The following ZNF678 variants were observed in gnomAD, a reference collection of about 807,000 sequenced individuals.
The protein encoded by ZNF678 is zinc finger protein 678, also known as hypothetical protein MGC42493.
Under a neutral mutation model 3.0 loss-of-function variants are expected in ZNF678, and 5 were observed. The ratio of observed to expected loss-of-function variants is 1.69; its 90% CI spans 0.88 to 3.56. The LOEUF (loss-of-function observed/expected upper bound fraction) is 3.56. Ranked by LOEUF, ZNF678 falls within the 30% of genes most tolerant of loss-of-function variation. ZNF678 has a pLI of 0.00. For missense variants in ZNF678, 593 were observed against 605.0 expected, an observed-to-expected ratio of 0.98 and a Z score of 0.21; for synonymous variants, 218 against 199.6, an observed-to-expected ratio of 1.09 and a Z score of -0.78.
At chr1:227,580,997 A>T (rs1432428511) in intron 1 of ZNF678, among the ~76,000 whole-genome samples, 1 of 152,078 alleles carries the variant, frequency 6.6e-6, no homozygotes, top group Non-Finnish European at 1.5e-5. Context: ...TAGAGTATGG[A>T]CTTCTATATA....
chr1:227,565,824 A>G (rs921120590), intron 1 of ZNF678, among the ~76,000 whole-genome samples: 3 of 152,044 alleles, frequency 2.0e-5, no homozygotes, highest in Non-Finnish European at 2.9e-5. Flanking sequence ...CAGTGGCCTG[A>G]TCTTGGCTCA....
At chr1:227,574,382 A>G (rs1368952368) in intron 1 of ZNF678, among the ~76,000 whole-genome samples, 2 of 152,212 alleles carry the variant, frequency 1.3e-5, no homozygotes, top group East Asian at 1.9e-4. Flanking sequence ...GTGAGATGGT[A>G]TGTCATTGTG....
intron 1 of ZNF678, among the ~76,000 whole-genome samples, chr1:227,584,675 T>G (rs1657212704): frequency 6.6e-6 from 1 of 152,242 alleles, no homozygotes; most frequent in Non-Finnish European, 1.5e-5. Flanking sequence ...TGTGCTCAAC[T>G]CTAAATACAG....
At chr1:227,643,023 A>G (rs1277358875) in intron 1 of ZNF678, among the ~76,000 whole-genome samples, 1 of 152,144 alleles carries the variant, frequency 6.6e-6, no homozygotes, top group African/African-American at 2.4e-5. Flanking sequence ...TGAATTTGGA[A>G]GTATGTGGCC....
chr1:227,640,296 TG>T lies in ZNF678; in HGVS notation c.-163-6245del, dbSNP rs568378864. ...AGGAAAAGAAGTGGATACAGTTGAC[TG>T]GGAAGATGGCAGCTGGGAAGATGGC... is the stretch of plus-strand genomic sequence containing the variant. On this transcript the variant is annotated intron_variant, in intron 1 of 3. Coordinates refer to ENST00000343776, the MANE Select transcript of ZNF678 (RefSeq NM_001367909.1). Among the ~76,000 whole-genome samples, 643 of 151,490 alleles carry T rather than the reference TG, an allele frequency of 4.2e-3. 4 individuals carry two copies. Among genetic ancestry groups the T allele is most frequent in the Non-Finnish European group, 7.0e-3 (474 of 67,876 alleles).
chr1:227,583,984 C>G (rs1230493704), intron 1 of ZNF678, among the ~76,000 whole-genome samples: 1 of 152,162 alleles, frequency 6.6e-6, no homozygotes, highest in Admixed American at 6.5e-5. Context: ...ATATCTGTTG[C>G]TGCCCAAGAC....
At chr1:227,651,102 C>T (rs1659081338) in intron 3 of ZNF678, 26 bp downstream of exon 3, 2 of 1,608,840 alleles carry the variant, frequency 1.2e-6, no homozygotes, top group African/African-American at 1.3e-5. Flanking sequence ...TATTGGGTCT[C>T]CAGGCTGATG....
chr1:227,610,797 A>G (rs1657998549), intron 1 of ZNF678, among the ~76,000 whole-genome samples: 1 of 152,196 alleles, frequency 6.6e-6, no homozygotes, highest in Non-Finnish European at 1.5e-5. Context: ...CCACTCAAGT[A>G]GGGCATAGAA....
chr1:227,644,459 G>T (rs1658906286), intron 1 of ZNF678, among the ~76,000 whole-genome samples: 1 of 152,132 alleles, frequency 6.6e-6, no homozygotes, highest in African/African-American at 2.4e-5. Context: ...AGCAGACAAT[G>T]CCATGTTTCA....
intron 1 of ZNF678, among the ~76,000 whole-genome samples, chr1:227,565,266 A>G (rs955694870): frequency 1.8e-4 from 27 of 150,440 alleles, no homozygotes; most frequent in East Asian, 2.0e-4. Flanking sequence ...GGGTTTCACC[A>G]TGTTGGCCAG....
intron 2 of ZNF678, among the ~76,000 whole-genome samples, chr1:227,649,486 G>T (rs890138031): frequency 1.2e-4 from 19 of 152,150 alleles, no homozygotes; most frequent in Non-Finnish European, 1.6e-4. Flanking sequence ...AGGTAGCCAA[G>T]ATTACAGGCA....
intron 1 of ZNF678, among the ~76,000 whole-genome samples, chr1:227,630,527 T>C (rs890349872): frequency 1.3e-5 from 2 of 152,230 alleles, no homozygotes; most frequent in African/African-American, 2.4e-5. Flanking sequence ...TATCTCTCCA[T>C]GTCAGATCAA....
At chr1:227,580,461 C>G (rs940464533) in intron 1 of ZNF678, among the ~76,000 whole-genome samples, 2 of 152,150 alleles carry the variant, frequency 1.3e-5, no homozygotes, top group African/African-American at 4.8e-5. Context: ...TCTGGAAAAG[C>G]TGTTAATGTC....
chr1:227,664,109 G>T (rs1571925580), downstream of ZNF678, among the ~76,000 whole-genome samples: 1 of 152,122 alleles, frequency 6.6e-6, no homozygotes, highest in African/African-American at 2.4e-5. Context: ...TCCAAAGGTT[G>T]AGGCTTCATT....
chr1:227,563,767 T>G, intron 1 of ZNF678, 43 bp downstream of exon 1: 1 of 1,305,534 alleles, frequency 7.7e-7, no homozygotes, highest in South Asian at 1.2e-5. Context: ...CGGTCCGGCC[T>G]CCCGGCGTCA....
intron 5 of ZNF678, among the ~76,000 whole-genome samples, chr1:227,673,644 A>C (rs1356254680): frequency 1.3e-5 from 2 of 152,210 alleles, no homozygotes; most frequent in African/African-American, 2.4e-5. Context: ...ATGTCTCTCT[A>C]AAACTATTCC....
chr1:227,623,383 G>A (rs140669492), intron 1 of ZNF678, among the ~76,000 whole-genome samples: 5 of 152,324 alleles, frequency 3.3e-5, no homozygotes, highest in African/African-American at 9.6e-5. Flanking sequence ...TACCTCATCT[G>A]TGACATGGGG....
At chr1:227,632,713 A>T (rs1318326033) in intron 1 of ZNF678, among the ~76,000 whole-genome samples, 1 of 152,192 alleles carries the variant, frequency 6.6e-6, no homozygotes, top group Non-Finnish European at 1.5e-5. Flanking sequence ...TTTTCCTCCG[A>T]TTCTAAGGAA....
chr1:227,576,590 C>T lies in ZNF678; in HGVS notation c.-164+12866C>T, dbSNP rs1161465034. 4.6e-5 allele frequency among the ~76,000 whole-genome samples: 7 copies of T among 152,220 alleles called. No individual in the cohort carries two copies. In the South Asian group the frequency reaches 1.2e-3, roughly 27 times the overall value. On this transcript the variant is annotated intron_variant, in intron 1 of 3. Transcript: ENST00000343776. ...ATTTCTGTGGCATCAGTGGTAATAT[C>T]CCCCTTGTCGTTTTCTATTATATTT... is the stretch of plus-strand genomic sequence containing the variant.
Sources: allele counts gnomAD v4.1 joint callset (sites outside exome capture counted in the v4.1 genomes callset), GRCh38; gene constraint gnomAD v4.1.1; transcripts MANE v1.5; gene names NCBI Gene and HGNC (gene_info 2026-07-23, HGNC 2026-07-21).